The following AKAP19 variants were observed in gnomAD, a reference collection of about 807,000 sequenced individuals.
AKAP19 encodes small A-kinase anchoring protein.
At chr2:190,069,040 C>G in the AKAP19 span, among the ~76,000 whole-genome samples, 4 of 151,908 alleles carry the variant, frequency 2.6e-5, no homozygotes, top group African/African-American at 4.8e-5. Context: ...TGACTAGATC[C>G]CTTCCCCAAC....
the AKAP19 span, among the ~76,000 whole-genome samples, chr2:190,135,097 T>C: frequency 3.9e-5 from 6 of 152,328 alleles, no homozygotes; most frequent in Non-Finnish European, 8.8e-5. Context: ...TGTTAGTATT[T>C]GGATTACTAA....
the AKAP19 span, among the ~76,000 whole-genome samples, chr2:190,149,514 G>T: frequency 6.6e-6 from 1 of 151,956 alleles, no homozygotes; most frequent in Non-Finnish European, 1.5e-5. Context: ...GTTTAGATAG[G>T]TTGTGTCATT....
chr2:190,003,883 T>G, the AKAP19 span, among the ~76,000 whole-genome samples: 6 of 152,084 alleles, frequency 3.9e-5, 1 homozygote, highest in Admixed American at 3.9e-4. Context: ...AAAAAAAAAG[T>G]TGTATTCCTA....
the AKAP19 span, among the ~76,000 whole-genome samples, chr2:189,991,486 G>T: frequency 6.6e-6 from 1 of 152,050 alleles, no homozygotes; most frequent in Admixed American, 6.6e-5. Context: ...TTGGCCATTT[G>T]TATATCTCTT....
At chr2:190,147,611 T>C in the AKAP19 span, among the ~76,000 whole-genome samples, 1 of 152,342 alleles carries the variant, frequency 6.6e-6, no homozygotes, top group African/African-American at 2.4e-5. Context: ...TTCACAATAT[T>C]GATTCTATGC....
At chr2:190,014,808 C>A in the AKAP19 span, among the ~76,000 whole-genome samples, 2 of 152,012 alleles carry the variant, frequency 1.3e-5, no homozygotes, top group Non-Finnish European at 2.9e-5. Flanking sequence ...ATTCCAAATG[C>A]GAGAAATTGG....
the AKAP19 span, among the ~76,000 whole-genome samples, chr2:190,029,143 C>T: frequency 1.3e-5 from 2 of 151,782 alleles, no homozygotes; most frequent in Admixed American, 6.6e-5. Flanking sequence ...ACTTCCACCT[C>T]CCAGGTTCAA....
At chr2:189,926,642 G>T in the AKAP19 span, among the ~76,000 whole-genome samples, 8 of 130,730 alleles carry the variant, frequency 6.1e-5, no homozygotes, top group South Asian at 5.2e-4. Context: ...GTGCAGTGGC[G>T]CGATCTCGGC....
At chr2:190,200,034 C>G in the AKAP19 span, 2 of 1,614,104 alleles carry the variant, frequency 1.2e-6, no homozygotes, top group Non-Finnish European at 1.7e-6. Flanking sequence ...ATACTGTGAT[C>G]TTGGAATATG....
At chr2:190,163,456 A>AAC in the AKAP19 span, among the ~76,000 whole-genome samples, 1 of 81,344 alleles carries the variant, frequency 1.2e-5, no homozygotes, top group African/African-American at 3.8e-5. Context: ...AACAAAAAAC[A>AAC]AAAAAAAAAA....
chr2:190,031,041 C>A, the AKAP19 span, among the ~76,000 whole-genome samples: 1 of 152,088 alleles, frequency 6.6e-6, no homozygotes, highest in African/African-American at 2.4e-5. Context: ...CTACCCTTTC[C>A]CCCACGAAAT....
At chr2:190,005,436 A>C in the AKAP19 span, among the ~76,000 whole-genome samples, 1 of 152,192 alleles carries the variant, frequency 6.6e-6, no homozygotes, top group African/African-American at 2.4e-5. Context: ...ACAATCCTCT[A>C]GCTAGACAGA....
At chr2:189,912,607 C>T in the AKAP19 span, among the ~76,000 whole-genome samples, 4 of 152,128 alleles carry the variant, frequency 2.6e-5, no homozygotes, top group East Asian at 7.7e-4. Flanking sequence ...TTATGAAGGC[C>T]AAGGACTTTT....
chr2:190,034,322 T>C, the AKAP19 span, among the ~76,000 whole-genome samples: 1 of 151,740 alleles, frequency 6.6e-6, no homozygotes, highest in Admixed American at 6.6e-5. Flanking sequence ...ATGAACGTAC[T>C]TTTAAAATCC....
chr2:190,054,625 C>A, the AKAP19 span, among the ~76,000 whole-genome samples: 11 of 152,004 alleles, frequency 7.2e-5, no homozygotes, highest in Non-Finnish European at 1.5e-5. Context: ...CAATGAACTC[C>A]AACAAATTTA....
the AKAP19 span, among the ~76,000 whole-genome samples, chr2:189,985,965 G>A: frequency 6.6e-6 from 1 of 151,818 alleles, no homozygotes; most frequent in Non-Finnish European, 1.5e-5. Context: ...AGTAAAATTT[G>A]GAGCAAAAAA....
At chr2:190,063,501 C>T in the AKAP19 span, among the ~76,000 whole-genome samples, 2 of 152,040 alleles carry the variant, frequency 1.3e-5, no homozygotes, top group Admixed American at 6.6e-5. Context: ...GTAGAAAAAT[C>T]TCTGAACATA....
At chr2:190,007,373 C>G in the AKAP19 span, among the ~76,000 whole-genome samples, 4 of 152,328 alleles carry the variant, frequency 2.6e-5, no homozygotes, top group South Asian at 8.3e-4. Context: ...GGTATGCACT[C>G]TGGGCTCCAT....
chr2:190,190,713 G>T, the AKAP19 span, among the ~76,000 whole-genome samples: 1 of 152,114 alleles, frequency 6.6e-6, no homozygotes, highest in Non-Finnish European at 1.5e-5. Flanking sequence ...AAGCACTGGG[G>T]TTTTTTAAAT....
Sources: gnomAD v4.1 joint callset for allele counts (sites outside exome capture counted in the v4.1 genomes callset) on GRCh38, gnomAD v4.1.1 for gene constraint, MANE v1.5 for transcripts, NCBI Gene and HGNC (gene_info 2026-07-23, HGNC 2026-07-21) for gene names.